Variants in TENM3 observed in about 807,000 individuals in gnomAD.
TENM3 encodes teneurin transmembrane protein 3.
In TENM3, 63 loss-of-function variants were observed where a neutral mutation model predicts 255.1. The ratio of observed to expected loss-of-function variants is 0.25; its 90% confidence interval spans 0.20 to 0.30. TENM3 has a LOEUF of 0.30. Ranked by LOEUF, TENM3 falls within the 10% of genes least tolerant of loss-of-function variation. The pLI is 1.00. For synonymous variants in TENM3, 1,306 were observed against 1,322.3 expected, an observed-to-expected ratio of 0.99 and a Z score of 0.27; for missense variants, 2,929 against 3,461.1, an observed-to-expected ratio of 0.85 and a Z score of 3.86.
At chr4:181,475,349 G>C in the TENM3 span, among the ~76,000 whole-genome samples, 1 of 152,216 alleles carries the variant, frequency 6.6e-6, no homozygotes, top group Non-Finnish European at 1.5e-5. Context: ...AAGAAACAGA[G>C]TTCTGGGTTT....
At chr4:181,462,885 G>A in the TENM3 span, among the ~76,000 whole-genome samples, 3 of 152,230 alleles carry the variant, frequency 2.0e-5, no homozygotes, top group South Asian at 6.2e-4. Flanking sequence ...GGTAGGAACT[G>A]GCACATATTT....
chr4:182,435,492 G>A (rs1464628378), intron 3 of TENM3, among the ~76,000 whole-genome samples: 1 of 152,152 alleles, frequency 6.6e-6, no homozygotes, highest in Non-Finnish European at 1.5e-5. Context: ...CAAGTGTTAA[G>A]ATGCTTTTTA....
At chr4:181,790,905 T>A in the TENM3 span, among the ~76,000 whole-genome samples, 1 of 152,162 alleles carries the variant, frequency 6.6e-6, no homozygotes, top group Non-Finnish European at 1.5e-5. Context: ...TTGTGCCAGA[T>A]CCCCTACTTA....
the TENM3 span, among the ~76,000 whole-genome samples, chr4:181,565,508 G>A: frequency 7.4e-3 from 1,122 of 152,294 alleles, 3 homozygotes; most frequent in South Asian, 0.017. Flanking sequence ...AGTGATTAGT[G>A]TATAAGAAGT....
the TENM3 span, among the ~76,000 whole-genome samples, chr4:181,751,970 A>G: frequency 6.6e-6 from 1 of 152,132 alleles, no homozygotes; most frequent in Admixed American, 6.6e-5. Flanking sequence ...TTTGTAATCC[A>G]TCACCTTGAT....
chr4:182,531,262 T>C (rs1351885963), intron 3 of TENM3, among the ~76,000 whole-genome samples: 1 of 152,212 alleles, frequency 6.6e-6, no homozygotes, highest in East Asian at 1.9e-4. Flanking sequence ...AAATTAATTT[T>C]AGCTGTGAAA....
At chr4:181,535,651 T>G in the TENM3 span, among the ~76,000 whole-genome samples, 1 of 152,230 alleles carries the variant, frequency 6.6e-6, no homozygotes, top group South Asian at 2.1e-4. Flanking sequence ...TTCTTCAAGC[T>G]AGCCTGCCCT....
the TENM3 span, among the ~76,000 whole-genome samples, chr4:181,747,059 C>T: frequency 2.0e-5 from 3 of 151,990 alleles, no homozygotes; most frequent in Admixed American, 6.6e-5. Context: ...AGGGCAAGTG[C>T]GTTTAAAATT....
the TENM3 span, among the ~76,000 whole-genome samples, chr4:181,464,410 C>A: frequency 6.6e-6 from 1 of 152,098 alleles, no homozygotes; most frequent in East Asian, 1.9e-4. Flanking sequence ...TGGTGTTAAG[C>A]ATCTTTTCAG....
chr4:182,777,572 T>TTTTTTTG, intron 24 of TENM3, among the ~76,000 whole-genome samples: 1 of 135,866 alleles, frequency 7.4e-6, no homozygotes, highest in African/African-American at 2.8e-5. Flanking sequence ...TTTTTTTTTT[T>TTTTTTTG]TTTGAGATGG....
chr4:182,507,500 C>T (rs1394761798), intron 3 of TENM3, among the ~76,000 whole-genome samples: 7 of 150,858 alleles, frequency 4.6e-5, no homozygotes, highest in South Asian at 2.1e-4. Flanking sequence ...TAGGCAATTC[C>T]GTCAGAATTT....
chr4:181,786,762 C>T, the TENM3 span, among the ~76,000 whole-genome samples: 1,925 of 151,322 alleles, frequency 0.013, 38 homozygotes, highest in African/African-American at 0.044. Context: ...TAGGGAGTCG[C>T]TCCCAGCACT....
At chr4:182,531,173 AGG>A (rs1385411204) in intron 3 of TENM3, among the ~76,000 whole-genome samples, 2 of 152,230 alleles carry the variant, frequency 1.3e-5, no homozygotes, top group Non-Finnish European at 2.9e-5. Context: ...AAGTGTGTCA[AGG>A]AGGAGTATTC....
the TENM3 span, among the ~76,000 whole-genome samples, chr4:181,619,558 A>AC: frequency 3.9e-5 from 6 of 152,044 alleles, no homozygotes; most frequent in South Asian, 1.0e-3. Flanking sequence ...TGTAGCTGGG[A>AC]CCATAGGCAC....
At chr4:181,781,928 TTTGCGTATA>T in the TENM3 span, among the ~76,000 whole-genome samples, 1 of 152,228 alleles carries the variant, frequency 6.6e-6, no homozygotes. Context: ...CATTTACTGA[TTTGCGTATA>T]TTGAACCAGC....
At chr4:182,496,640 T>A (rs1041953956) in intron 3 of TENM3, among the ~76,000 whole-genome samples, 5 of 152,216 alleles carry the variant, frequency 3.3e-5, no homozygotes, top group Non-Finnish European at 7.3e-5. Context: ...GTTTTCTTTG[T>A]CAATTGTAGC....
intron 1 of TENM3, among the ~76,000 whole-genome samples, chr4:182,210,410 T>C (rs1754934260): frequency 6.6e-6 from 1 of 152,208 alleles, no homozygotes; most frequent in African/African-American, 2.4e-5. Flanking sequence ...CCTTTACTTA[T>C]TATGCTTCTC....
At chr4:181,906,788 C>T in the TENM3 span, among the ~76,000 whole-genome samples, 1 of 152,200 alleles carries the variant, frequency 6.6e-6, no homozygotes, top group African/African-American at 2.4e-5. Context: ...CCCAAGCGAT[C>T]CTCTCGCTTC....
chr4:182,740,871 G>A (rs58018146), intron 18 of TENM3, among the ~76,000 whole-genome samples: 2 of 152,082 alleles, frequency 1.3e-5, no homozygotes, highest in East Asian at 1.9e-4. Flanking sequence ...AAAAAAAAAT[G>A]TTCTAAATTA....
Sources: allele counts gnomAD v4.1 joint callset (sites outside exome capture counted in the v4.1 genomes callset), GRCh38; gene constraint gnomAD v4.1.1; transcripts MANE v1.5; gene names NCBI Gene and HGNC (gene_info 2026-07-23, HGNC 2026-07-21).